AGBL4: variants seen among roughly 807,000 people sequenced by gnomAD.
AGBL4 encodes the protein AGBL carboxypeptidase 4.
In AGBL4, 58 loss-of-function variants were observed where a neutral mutation model predicts 66.4. That is an observed-to-expected ratio of 0.87 (90% CI 0.71 to 1.09). The LOEUF is 1.09. Among genes scored for constraint, AGBL4 ranks in the 50% least tolerant of loss-of-function variants. The pLI is 0.00. For synonymous variants in AGBL4, 234 were observed against 222.9 expected (o/e 1.05, Z -0.44); for missense variants, 579 against 631.0 (o/e 0.92, Z 0.88).
intron 1 of AGBL4, among the ~76,000 whole-genome samples, chr1:49,894,315 G>A (rs10888672): frequency 0.52 from 78,529 of 151,724 alleles, 21,618 homozygotes; most frequent in Non-Finnish European, 0.62. Flanking sequence ...GCCTGGACAT[G>A]AATGAACCTA....
chr1:49,599,241 T>A (rs1644908257), intron 3 of AGBL4, among the ~76,000 whole-genome samples: 1 of 152,196 alleles, frequency 6.6e-6, no homozygotes, highest in South Asian at 2.1e-4. Flanking sequence ...CCTGGACTTT[T>A]TTTGGTTGGT....
chr1:49,939,594 C>A (rs1364832394), intron 1 of AGBL4, among the ~76,000 whole-genome samples: 7 of 152,046 alleles, frequency 4.6e-5, no homozygotes, highest in African/African-American at 1.2e-4. Flanking sequence ...GAAAAACAAG[C>A]AATGGGGAAA....
intron 3 of AGBL4, among the ~76,000 whole-genome samples, chr1:49,349,987 C>G (rs1274164070): frequency 1.3e-5 from 2 of 152,160 alleles, no homozygotes; most frequent in Non-Finnish European, 2.9e-5. Flanking sequence ...CTCAAGATTT[C>G]TAGCCTCCAG....
At chr1:49,084,233 G>C (rs760784775) in intron 4 of AGBL4, among the ~76,000 whole-genome samples, 4 of 152,086 alleles carry the variant, frequency 2.6e-5, no homozygotes, top group African/African-American at 4.8e-5. Flanking sequence ...GTCTCTGCCT[G>C]TTACCCAGTT....
At chr1:48,750,304 C>T (rs1651487319) in intron 6 of AGBL4, among the ~76,000 whole-genome samples, 1 of 152,174 alleles carries the variant, frequency 6.6e-6, no homozygotes, top group South Asian at 2.1e-4. Context: ...TCTATGTCTG[C>T]AACCTCATCT....
At chr1:49,136,589 A>G (rs561406076) in intron 4 of AGBL4, among the ~76,000 whole-genome samples, 5 of 152,156 alleles carry the variant, frequency 3.3e-5, no homozygotes, top group Non-Finnish European at 7.4e-5. Context: ...TTACAACTAC[A>G]GGCTCTTACT....
intron 2 of AGBL4, among the ~76,000 whole-genome samples, chr1:49,735,299 GTGTGT>G (rs1558203449): frequency 1.5e-3 from 112 of 72,440 alleles, no homozygotes; most frequent in African/African-American, 4.2e-3. Flanking sequence ...GTGTGTGGGT[GTGTGT>G]GTGTGTGTGT....
intron 3 of AGBL4, among the ~76,000 whole-genome samples, chr1:49,460,757 T>C (rs530383433): frequency 6.6e-6 from 1 of 151,858 alleles, no homozygotes; most frequent in African/African-American, 2.4e-5. Context: ...TTTCAAGACT[T>C]AGAGTTCTTT....
At chr1:48,750,077 A>C (rs546095535) in intron 6 of AGBL4, among the ~76,000 whole-genome samples, 34 of 152,102 alleles carry the variant, frequency 2.2e-4, no homozygotes, top group Admixed American at 1.7e-3. Context: ...TCAATCCATG[A>C]CCCTGACCTC....
chr1:48,626,047 A>G (rs1390483791), intron 9 of AGBL4, among the ~76,000 whole-genome samples: 1 of 152,222 alleles, frequency 6.6e-6, no homozygotes, highest in Non-Finnish European at 1.5e-5. Context: ...GTACAATATC[A>G]CATTTACTTC....
intron 3 of AGBL4, among the ~76,000 whole-genome samples, chr1:49,444,944 CT>C (rs952998230): frequency 3.4e-5 from 5 of 148,436 alleles, no homozygotes; most frequent in Admixed American, 6.8e-5. Context: ...TACCAGTGAG[CT>C]TTTTTTTTTC....
chr1:49,062,832 A>G (rs1278868925), intron 4 of AGBL4, among the ~76,000 whole-genome samples: 2 of 152,162 alleles, frequency 1.3e-5, no homozygotes, highest in Admixed American at 1.3e-4. Context: ...ATGCCTCTAA[A>G]TCAATTTCTC....
At chr1:48,831,178 T>A (rs1002473738) in intron 6 of AGBL4, among the ~76,000 whole-genome samples, 1 of 152,156 alleles carries the variant, frequency 6.6e-6, no homozygotes, top group African/African-American at 2.4e-5. Context: ...GGAAGATTAG[T>A]GTAGAGGGCA....
intron 3 of AGBL4, among the ~76,000 whole-genome samples, chr1:49,406,254 TAGG>T (rs1339346123): frequency 6.6e-6 from 1 of 152,140 alleles, no homozygotes; most frequent in Non-Finnish European, 1.5e-5. Flanking sequence ...TCTTTCCTAA[TAGG>T]ATTCAAATTC....
intron 7 of AGBL4, among the ~76,000 whole-genome samples, chr1:48,662,124 C>T (rs141705633): frequency 2.3e-4 from 35 of 152,286 alleles, no homozygotes; most frequent in Non-Finnish European, 4.0e-4. Flanking sequence ...AAAATAAAGC[C>T]CATATTTATT....
At chr1:48,536,405 A>G (rs894328714) in intron 12 of AGBL4, among the ~76,000 whole-genome samples, 2 of 152,174 alleles carry the variant, frequency 1.3e-5, no homozygotes, top group Non-Finnish European at 2.9e-5. Context: ...GAGTTGAAAC[A>G]TTACCCTAAA....
chr1:49,135,358 T>C (rs1204055949), intron 4 of AGBL4, among the ~76,000 whole-genome samples: 2 of 152,156 alleles, frequency 1.3e-5, no homozygotes, highest in African/African-American at 2.4e-5. Context: ...AACATGCATA[T>C]ACACAATATA....
chr1:48,822,456 G>C (rs72890063), intron 6 of AGBL4, among the ~76,000 whole-genome samples: 1,649 of 152,310 alleles, frequency 0.011, 27 homozygotes, highest in African/African-American at 0.037. Context: ...TGATTTATGT[G>C]AAGTCCAATT....
intron 1 of AGBL4, among the ~76,000 whole-genome samples, chr1:49,957,465 A>C (rs1158943177): frequency 6.6e-6 from 1 of 151,776 alleles, no homozygotes; most frequent in Non-Finnish European, 1.5e-5. Flanking sequence ...GGGGTGTTAA[A>C]GTCTCCCATT....
Sources: gnomAD v4.1 joint callset for allele counts (sites outside exome capture counted in the v4.1 genomes callset) on GRCh38, gnomAD v4.1.1 for gene constraint, MANE v1.5 for transcripts, NCBI Gene and HGNC (gene_info 2026-07-23, HGNC 2026-07-21) for gene names.